Variants in XKR4 observed in about 807,000 individuals in gnomAD.
The protein encoded by XKR4 is XK-related protein 4.
In XKR4, 12 loss-of-function variants were observed where a neutral mutation model predicts 53.9. The observed-to-expected ratio is 0.22, with a 90% CI of 0.14 to 0.36. The LOEUF is 0.36. Among genes scored for constraint, XKR4 ranks in the 10% least tolerant of loss-of-function variants. The pLI, the probability that XKR4 is intolerant of heterozygous loss-of-function variation, is 1.00. For synonymous variants in XKR4, 354 were observed against 362.4 expected (o/e 0.98, Z 0.26); for missense variants, 799 against 859.5 (o/e 0.93, Z 0.88).
At chr8:55,340,617 T>A (rs1396480850) in intron 1 of XKR4, among the ~76,000 whole-genome samples, 4 of 152,176 alleles carry the variant, frequency 2.6e-5, no homozygotes, top group African/African-American at 7.2e-5. Context: ...TCACCTCCAG[T>A]GGGTCACAGT....
chr8:55,469,655 A>G (rs771404846), intron 2 of XKR4, among the ~76,000 whole-genome samples: 1 of 152,184 alleles, frequency 6.6e-6, no homozygotes, highest in African/African-American at 2.4e-5. Context: ...TTAAAAATCT[A>G]TGTAGAAGAC....
chr8:55,454,287 C>G, intron 2 of XKR4: 1 of 1,416,100 alleles, frequency 7.1e-7, no homozygotes, highest in Non-Finnish European at 9.9e-7. Context: ...TGGGTCTCTG[C>G]CTGGAAGGCC....
intron 2 of XKR4, chr8:55,453,782 A>G: frequency 2.4e-6 from 1 of 412,488 alleles, no homozygotes; most frequent in Admixed American, 3.3e-5. Context: ...CAGTTCTTGG[A>G]TGTGATGCAG....
intron 1 of XKR4, chr8:55,164,112 C>T (rs759645140): frequency 3.8e-5 from 17 of 441,630 alleles, no homozygotes; most frequent in South Asian, 2.7e-4. Flanking sequence ...CTTCTCTTTT[C>T]AGCAGACCAC....
intron 1 of XKR4, among the ~76,000 whole-genome samples, chr8:55,323,834 T>C (rs1475348561): frequency 2.0e-5 from 3 of 152,220 alleles, no homozygotes; most frequent in African/African-American, 7.2e-5. Context: ...TTTCTATTGA[T>C]CTGTCTTCAA....
chr8:55,454,798 G>A (rs1805532154), intron 2 of XKR4: 3 of 771,938 alleles, frequency 3.9e-6, no homozygotes, highest in African/African-American at 1.7e-5. Flanking sequence ...CTGGGCAGAT[G>A]GGCAGGCTCT....
intron 2 of XKR4, chr8:55,450,013 G>A: frequency 2.5e-6 from 2 of 789,046 alleles, no homozygotes; most frequent in Admixed American, 3.7e-5. Context: ...GTGGTGAGGT[G>A]CGGTGGACAC....
At chr8:55,403,297 T>G (rs1804635294) in intron 2 of XKR4, among the ~76,000 whole-genome samples, 1 of 152,230 alleles carries the variant, frequency 6.6e-6, no homozygotes, top group Admixed American at 6.5e-5. Context: ...AAAAAGGATC[T>G]CTTACCAGCC....
In XKR4 at chr8:55,113,950, A is replaced by G. The variant is rs541872366; in HGVS notation, c.806+10656A>G. ...TAGTATTCCATGGCATCTATGTATT[A>G]CATTTTCTTTATCCAGTCTGCTACT... On this transcript the variant is annotated intron_variant, in intron 1 of 2. Transcript: ENST00000327381. Among the ~76,000 whole-genome samples the G allele has an allele frequency of 2.6e-5, 4 of 152,260 alleles. No individual in the cohort carries two copies. In the South Asian group the frequency reaches 8.3e-4, roughly 32 times the overall value.
At chr8:55,284,077 C>G (rs917491891) in intron 1 of XKR4, among the ~76,000 whole-genome samples, 1 of 152,124 alleles carries the variant, frequency 6.6e-6, no homozygotes, top group Non-Finnish European at 1.5e-5. Context: ...TGCCTAGAAA[C>G]CTATTTATCA....
intron 1 of XKR4, among the ~76,000 whole-genome samples, chr8:55,331,856 C>G (rs1803388349): frequency 6.6e-6 from 1 of 152,090 alleles, no homozygotes; most frequent in African/African-American, 2.4e-5. Context: ...GTCTTACAGA[C>G]AGCATGTAAT....
intron 1 of XKR4, among the ~76,000 whole-genome samples, chr8:55,198,204 G>C (rs927918997): frequency 2.0e-5 from 3 of 152,158 alleles, no homozygotes; most frequent in African/African-American, 4.8e-5. Context: ...CGTGGCCTGA[G>C]ACCAAATAAT....
rs145169163 is a variant in XKR4, at chr8:55,114,362, C to A, written c.806+11068C>A. The stretch of plus-strand genomic sequence containing the variant: ...ATTTTTTTCATATGTCTGTTGGCTG[C>A]TTATATATCTTCTTTTGAAAAATGT... On this transcript the variant is annotated intron_variant, in intron 1 of 2. Transcript: ENST00000327381. Among the ~76,000 whole-genome samples, 25 of 152,134 alleles carry A rather than the reference C, an allele frequency of 1.6e-4. No individual in the cohort carries two copies. The East Asian group carries it at 3.5e-3, about 21-fold the overall frequency.
chr8:55,515,098 A>G (rs1369354756), intron 2 of XKR4, among the ~76,000 whole-genome samples: 3 of 152,240 alleles, frequency 2.0e-5, no homozygotes, highest in Non-Finnish European at 4.4e-5. Context: ...AACTCTTTTT[A>G]TATTAAAACT....
chr8:55,394,612 T>G (rs981067231), intron 2 of XKR4, among the ~76,000 whole-genome samples: 41 of 152,352 alleles, frequency 2.7e-4, no homozygotes, highest in African/African-American at 9.4e-4. Context: ...TATCTTTCAC[T>G]TCCTCTTTGG....
intron 2 of XKR4, among the ~76,000 whole-genome samples, chr8:55,506,389 G>C (rs1190157069): frequency 6.6e-6 from 1 of 152,190 alleles, no homozygotes; most frequent in Non-Finnish European, 1.5e-5. Context: ...AAAAGCTGCA[G>C]ATCAGGCACA....
chr8:55,430,965 G>C (rs1805095231), intron 2 of XKR4, among the ~76,000 whole-genome samples: 1 of 152,224 alleles, frequency 6.6e-6, no homozygotes, highest in Non-Finnish European at 1.5e-5. Flanking sequence ...ACACAATTCA[G>C]TTCAATTCAG....
At chr8:55,414,989 G>A (rs1330934486) in intron 2 of XKR4, among the ~76,000 whole-genome samples, 2 of 152,192 alleles carry the variant, frequency 1.3e-5, no homozygotes, top group Non-Finnish European at 2.9e-5. Flanking sequence ...GTATTGGAGT[G>A]CCTCCAGGAC....
intron 1 of XKR4, among the ~76,000 whole-genome samples, chr8:55,186,934 C>CT (rs1203020466): frequency 4.0e-5 from 6 of 151,472 alleles, no homozygotes; most frequent in African/African-American, 1.5e-4. Flanking sequence ...GCTATGATTA[C>CT]TAAAGAAGTA....
Sources: allele counts gnomAD v4.1 joint callset (sites outside exome capture counted in the v4.1 genomes callset), GRCh38; gene constraint gnomAD v4.1.1; transcripts MANE v1.5; gene names NCBI Gene and HGNC (gene_info 2026-07-23, HGNC 2026-07-21).